Variants in TSHZ2 observed in about 807,000 individuals in gnomAD.
TSHZ2 encodes teashirt zinc finger homeobox 2, also known as teashirt homolog 2.
TSHZ2 carries 21 observed loss-of-function variants against 74.4 expected under a neutral mutation model. The ratio of observed to expected loss-of-function variants is 0.28; its 90% CI spans 0.20 to 0.41. The LOEUF (loss-of-function observed/expected upper bound fraction) is 0.41, where lower values mean the gene tolerates loss of function less well. Ranked by LOEUF, TSHZ2 falls within the 10% of genes least tolerant of loss-of-function variation. TSHZ2 has a pLI of 1.00. For synonymous variants in TSHZ2, 540 were observed against 515.3 expected, an observed-to-expected ratio of 1.05 and a Z score of -0.65; for missense variants, 1,244 against 1,293.5, an observed-to-expected ratio of 0.96 and a Z score of 0.59.
intron 1 of TSHZ2, among the ~76,000 whole-genome samples, chr20:53,153,820 A>G (rs566293114): frequency 6.6e-6 from 1 of 152,294 alleles, no homozygotes; most frequent in South Asian, 2.1e-4. Context: ...CCTGCAGGTC[A>G]ATAATTTTGG....
intron 1 of TSHZ2, among the ~76,000 whole-genome samples, chr20:53,086,509 T>C (rs979356270): frequency 1.8e-4 from 27 of 152,116 alleles, no homozygotes; most frequent in Non-Finnish European, 4.0e-4. Context: ...CTTGAATAGA[T>C]CATCCCCAAG....
intron 2 of TSHZ2, among the ~76,000 whole-genome samples, chr20:53,466,946 G>C (rs1985581677): frequency 6.6e-6 from 1 of 152,228 alleles, no homozygotes; most frequent in Non-Finnish European, 1.5e-5. Flanking sequence ...ACTGGTTAGA[G>C]AACAGGCTTT....
intron 2 of TSHZ2, among the ~76,000 whole-genome samples, chr20:53,430,076 AGACATTATTG>A (rs1371787396): frequency 1.3e-5 from 2 of 152,204 alleles, no homozygotes; most frequent in East Asian, 3.8e-4. Context: ...ATGATTCTAT[AGACATTATTG>A]GACATTATTG....
At chr20:53,266,576 G>T (rs959546621) in intron 2 of TSHZ2, among the ~76,000 whole-genome samples, 1 of 152,006 alleles carries the variant, frequency 6.6e-6, no homozygotes, top group Non-Finnish European at 1.5e-5. Context: ...AATTCTCATT[G>T]TCCCATCATT....
chr20:53,302,563 G>T (rs929248777), intron 2 of TSHZ2, among the ~76,000 whole-genome samples: 2 of 152,196 alleles, frequency 1.3e-5, no homozygotes, highest in Non-Finnish European at 2.9e-5. Context: ...TGGGTGCTGG[G>T]TTCCCGGGAG....
intron 2 of TSHZ2, among the ~76,000 whole-genome samples, chr20:53,472,698 C>G (rs574528207): frequency 6.6e-6 from 1 of 152,008 alleles, no homozygotes; most frequent in African/African-American, 2.4e-5. Flanking sequence ...CAGCTCCCAG[C>G]CTGAGCGACG....
chr20:53,261,568 G>A (rs967011555), intron 2 of TSHZ2, among the ~76,000 whole-genome samples: 1 of 152,122 alleles, frequency 6.6e-6, no homozygotes, highest in South Asian at 2.1e-4. Flanking sequence ...CTTCCTTAAC[G>A]TTTGCATTTT....
intron 2 of TSHZ2, among the ~76,000 whole-genome samples, chr20:53,267,937 C>T (rs374000142): frequency 3.8e-4 from 58 of 152,274 alleles, no homozygotes; most frequent in African/African-American, 1.2e-3. Flanking sequence ...TCCAAGGTCA[C>T]GCAGCTGGTG....
intron 1 of TSHZ2, among the ~76,000 whole-genome samples, chr20:53,235,948 G>A (rs1427092551): frequency 2.6e-5 from 4 of 152,190 alleles, no homozygotes; most frequent in African/African-American, 4.8e-5. Flanking sequence ...TGAATATAAT[G>A]AGAACGTCAC....
chr20:53,354,816 G>T (rs149546319), intron 2 of TSHZ2, among the ~76,000 whole-genome samples: 96 of 152,280 alleles, frequency 6.3e-4, no homozygotes, highest in African/African-American at 2.2e-3. Flanking sequence ...ACAATTAATT[G>T]TAAGTTATTT....
chr20:53,241,822 A>G (rs1228569836), intron 1 of TSHZ2, among the ~76,000 whole-genome samples: 2 of 152,188 alleles, frequency 1.3e-5, no homozygotes, highest in African/African-American at 4.8e-5. Flanking sequence ...AGTTTGCTCA[A>G]GATGATAATG....
intron 1 of TSHZ2, among the ~76,000 whole-genome samples, chr20:53,021,332 A>G (rs189614942): frequency 3.2e-4 from 49 of 152,302 alleles, no homozygotes; most frequent in African/African-American, 1.1e-3. Flanking sequence ...CCCCAGACCT[A>G]CTGAATCAGA....
intron 2 of TSHZ2, among the ~76,000 whole-genome samples, chr20:53,386,509 C>T (rs961976281): frequency 2.6e-5 from 4 of 152,154 alleles, no homozygotes; most frequent in African/African-American, 9.7e-5. Context: ...TCCAGGGAAG[C>T]CTGCCATATT....
At chr20:53,449,624 C>T (rs1984692106) in intron 2 of TSHZ2, among the ~76,000 whole-genome samples, 1 of 152,212 alleles carries the variant, frequency 6.6e-6, no homozygotes, top group Admixed American at 6.5e-5. Flanking sequence ...AAGACTGTAT[C>T]CTTCTGCCTG....
intron 1 of TSHZ2, among the ~76,000 whole-genome samples, chr20:53,156,635 C>T (rs1299505740): frequency 6.6e-6 from 1 of 152,220 alleles, no homozygotes; most frequent in Non-Finnish European, 1.5e-5. Context: ...TCATGAAGGG[C>T]AAACTCCCAT....
chr20:53,455,719 C>T (rs1017271162), intron 2 of TSHZ2, among the ~76,000 whole-genome samples: 1 of 151,498 alleles, frequency 6.6e-6, no homozygotes, highest in Non-Finnish European at 1.5e-5. Flanking sequence ...CCCCGCCCCA[C>T]CCCACAACAG....
intron 2 of TSHZ2, among the ~76,000 whole-genome samples, chr20:53,325,742 G>C (rs538961602): frequency 7.2e-5 from 11 of 152,178 alleles, no homozygotes; most frequent in South Asian, 2.1e-4. Context: ...AGGAAGTAAA[G>C]CAAATTAAGG....
intron 1 of TSHZ2, among the ~76,000 whole-genome samples, chr20:53,013,677 C>T (rs1429906361): frequency 6.6e-6 from 1 of 152,082 alleles, no homozygotes. Flanking sequence ...CCATAAGCTC[C>T]CCAGAAACCA....
At position 53,254,589 on chromosome 20, in the gene TSHZ2, C is replaced by T; in HGVS notation, c.1131C>T (p.Ser377=). 3 of 1,612,434 alleles carry T rather than the reference C, an allele frequency of 1.9e-6. No individual in the cohort carries two copies. Among genetic ancestry groups the T allele is most frequent in the Non-Finnish European group, 2.5e-6 (3 of 1,178,572 alleles). ...SYTWQFEACK[S]QILKCMECGS... ...CCTGGCAGTTTGAGGCCTGCAAGTC[C>T]CAGATCTTAAAGTGCATGGAGTGTG... The change falls in exon 2 of 3, where the codon TCC becomes TCT. Residue 377 remains serine, a synonymous_variant. Transcript: ENST00000371497.
Sources: gnomAD v4.1 joint callset for allele counts (sites outside exome capture counted in the v4.1 genomes callset) on GRCh38, gnomAD v4.1.1 for gene constraint, MANE v1.5 for transcripts, NCBI Gene and HGNC (gene_info 2026-07-23, HGNC 2026-07-21) for gene names.